The following XRN1 variants were observed in gnomAD, a reference collection of about 807,000 sequenced individuals.
XRN1 encodes the protein strand-exchange protein 1 homolog.
A neutral mutation model predicts 222.3 loss-of-function variants in XRN1; 67 were observed. The ratio of observed to expected loss-of-function variants is 0.30; its 90% CI spans 0.25 to 0.37. The LOEUF (loss-of-function observed/expected upper bound fraction) is 0.37. Among genes scored for constraint, XRN1 ranks in the 10% least tolerant of loss-of-function variants. The probability of loss-of-function intolerance (pLI) is 1.00; values close to 1 mark genes in which losing one functional copy is unlikely to be tolerated. For missense variants in XRN1, 1,707 were observed against 2,000.2 expected, an observed-to-expected ratio of 0.85 and a Z score of 2.80; for synonymous variants, 643 against 652.4, an observed-to-expected ratio of 0.99 and a Z score of 0.22.
chr3:142,420,321 T>G (rs1466611711), intron 10 of XRN1: 1 of 152,272 alleles, frequency 6.6e-6, no homozygotes, highest in East Asian at 1.9e-4. Context: ...AACCTCGCCC[T>G]GGGAAAACTA....
intron 1 of XRN1, among the ~76,000 whole-genome samples, chr3:142,443,441 A>G (rs1303424287): frequency 9.4e-6 from 1 of 106,180 alleles, no homozygotes; most frequent in Non-Finnish European, 2.4e-5. Context: ...CTCACACCTG[A>G]TCAATCAGAG....
At chr3:142,378,313 T>C (rs1326694097) in intron 23 of XRN1, among the ~76,000 whole-genome samples, 1 of 152,210 alleles carries the variant, frequency 6.6e-6, no homozygotes, top group Non-Finnish European at 1.5e-5. Context: ...AGTGGATACA[T>C]ACAGCTTTTG....
rs2068236785 is a variant in XRN1, at chr3:142,403,781, G to T, written c.2005-9C>A. On this transcript the variant is annotated splice_polypyrimidine_tract_variant and intron_variant, in intron 17 of 40. Transcript: ENST00000392981. ...CTTTTCTTCAAAAAAAACTTTAAAA[G>T]AATTCAAATAATTTAATTTTAATTC... 1.9e-6 allele frequency: 3 copies of T among 1,610,952 alleles called. No individual in the cohort carries two copies. Among genetic ancestry groups the T allele is most frequent in the East Asian group, 4.5e-5 (2 of 44,754 alleles).
intron 27 of XRN1, among the ~76,000 whole-genome samples, chr3:142,370,080 A>G (rs910379259): frequency 3.9e-5 from 6 of 151,914 alleles, no homozygotes; most frequent in African/African-American, 7.2e-5. Context: ...ATGTAGTTAG[A>G]ACAGGAAGAA....
chr3:142,311,450 T>C lies in XRN1; in HGVS notation c.*61A>G, dbSNP rs2065072437. On this transcript the variant is annotated 3_prime_UTR_variant, in exon 41 of 41. Coordinates refer to ENST00000392981, the MANE Select transcript of XRN1 (RefSeq NM_001282857.2). ...CATTCTAATTTTTATGAGACATAGA[T>C]ATGTATTTATAAAAAGGTAGATGGA... The C allele has an allele frequency of 2.2e-6, 3 of 1,385,984 alleles. No individual in the cohort carries two copies. The highest frequency in any genetic ancestry group is 2.3e-5 in the East Asian group (1 of 43,474). The allele number at this position is 1,385,984 out of a possible 1,614,324, so 85.9% of individuals were successfully genotyped here.
At chr3:142,349,856 A>AGT (rs2066256067) in intron 32 of XRN1, among the ~76,000 whole-genome samples, 1 of 152,222 alleles carries the variant, frequency 6.6e-6, no homozygotes, top group Non-Finnish European at 1.5e-5. Context: ...AATAGCACCA[A>AGT]GTAAGAGGGG....
chr3:142,337,865 G>A (rs922722460), intron 33 of XRN1, among the ~76,000 whole-genome samples: 2 of 152,164 alleles, frequency 1.3e-5, no homozygotes, highest in Non-Finnish European at 2.9e-5. Flanking sequence ...AAATCAACAA[G>A]AGAATGGGCA....
At chr3:142,420,651 G>A (rs1011692286) in intron 10 of XRN1, among the ~76,000 whole-genome samples, 3 of 151,770 alleles carry the variant, frequency 2.0e-5, no homozygotes, top group Admixed American at 2.0e-4. Context: ...GATTACAGGT[G>A]TGAGCCACTG....
At chr3:142,384,411 T>A in intron 21 of XRN1, 112 bp downstream of exon 21, 2 of 765,598 alleles carry the variant, frequency 2.6e-6, no homozygotes, top group East Asian at 6.1e-5. Context: ...TGATAATCTC[T>A]ATTATACATT....
At chr3:142,362,068 A>T (rs1018685066) in intron 29 of XRN1, among the ~76,000 whole-genome samples, 7 of 145,806 alleles carry the variant, frequency 4.8e-5, no homozygotes, top group African/African-American at 1.5e-4. Context: ...TCCTGTGTTC[A>T]AGAGATTCTC....
At chr3:142,377,781 C>CG (rs2067187732) in intron 23 of XRN1, among the ~76,000 whole-genome samples, 1 of 152,136 alleles carries the variant, frequency 6.6e-6, no homozygotes, top group African/African-American at 2.4e-5. Context: ...ACACTGTACA[C>CG]TATCATACAA....
chr3:142,397,420 A>G lies in XRN1; in HGVS notation c.2248T>C (p.Ser750Pro), dbSNP rs1380187525. The G allele has an allele frequency of 6.2e-7, 1 of 1,608,952 alleles. No homozygotes were observed. Among genetic ancestry groups the G allele is most frequent in the Admixed American group, 1.7e-5 (1 of 59,662 alleles). Reference sequence around the variant, plus strand: ...TTAGATGGTGGGGCAGTTCTTCCTGAATAAAGCTTCTGTGTTCCTGGAGGT... The same window carrying G: ...TTAGATGGTGGGGCAGTTCTTCCTGGATAAAGCTTCTGTGTTCCTGGAGGT... The part of the protein sequence containing the change: ...EEPPGTQKLY[S>P]GRTAPPSKVV... Residue 750 changes from serine to proline, a missense_variant, in exon 20 of 41, where the codon TCA (serine) becomes CCA (proline). Ser to Pro is a moderately conservative substitution (Grantham distance 74). Coordinates refer to ENST00000392981, the MANE Select transcript of XRN1 (RefSeq NM_001282857.2).
intron 33 of XRN1, among the ~76,000 whole-genome samples, chr3:142,338,662 A>G (rs1043144745): frequency 6.6e-6 from 1 of 152,094 alleles, no homozygotes; most frequent in Non-Finnish European, 1.5e-5. Flanking sequence ...AGGGTCCCCA[A>G]TTCCAGGGTG....
At position 142,413,845 on chromosome 3, in the gene XRN1, G is replaced by C. The variant is rs6776170; in HGVS notation, c.1593+290C>G. Among the ~76,000 whole-genome samples, 10 of 152,194 alleles carry C rather than the reference G, an allele frequency of 6.6e-5. No homozygotes were observed. The East Asian group carries it at 1.7e-3, about 26-fold the overall frequency. On this transcript the variant is annotated intron_variant, in intron 14 of 40. Transcript: ENST00000392981. The stretch of plus-strand genomic sequence containing the variant: ...AAAGTAGATAGCTTCAGATTTTGTC[G>C]GTTTTAGCCTACTTTCTTCAGTGTA...
At position 142,446,231 on chromosome 3, in the gene XRN1, G is replaced by A. The variant is rs112926683; in HGVS notation, c.75+1639C>T. Among the ~76,000 whole-genome samples the A allele has an allele frequency of 5.1e-3, 781 of 152,264 alleles. 9 individuals carry two copies. The highest frequency in any genetic ancestry group is 0.018 in the African/African-American group (759 of 41,540). On this transcript the variant is annotated intron_variant, in intron 1 of 40. Transcript: ENST00000392981. The stretch of plus-strand genomic sequence containing the variant: ...TCCCTATCCTTCCCGCCCAGGACTA[G>A]CTTTTGAATGCCTGTGACTTATTTA...
At position 142,425,184 on chromosome 3, in the gene XRN1, T is replaced by C. The variant is rs760664005; in HGVS notation, c.627+38A>G. 8 of 1,361,460 alleles carry C rather than the reference T, an allele frequency of 5.9e-6. No homozygotes were observed. The Middle Eastern group carries it at 9.5e-4, about 162-fold the overall frequency. 84.3% of individuals were successfully genotyped at this position (1,361,460 alleles called of 1,614,324 possible). A position where few individuals can be genotyped will look rare whatever the true frequency, so the allele number is the denominator to read the frequency against. Reference sequence around the variant, plus strand: ...ATGAAATCTCTTAGATATTTAACTATCAATGCATAAGTTTATAATAATAAA... The same window carrying C: ...ATGAAATCTCTTAGATATTTAACTACCAATGCATAAGTTTATAATAATAAA... On this transcript the variant is annotated intron_variant, in intron 5 of 40. Coordinates refer to ENST00000392981, the MANE Select transcript of XRN1 (RefSeq NM_001282857.2).
At position 142,370,422 on chromosome 3, in the gene XRN1, TGTAAA is replaced by T. The variant is rs1222944714; in HGVS notation, c.3204+58_3204+62del. 5.8e-5 allele frequency: 88 copies of T among 1,505,582 alleles called. 1 individual carries two copies. The highest frequency in any genetic ancestry group is 5.4e-4 in the Middle Eastern group (3 of 5,506). The allele number at this position is 1,505,582 out of a possible 1,614,324, so 93.3% of individuals were successfully genotyped here. ...TTGGTTGAAACACAAATGAATTATTTGTAAAGTATAGTCCATTTAATTCCAAATCT... is the reference window on the plus strand; with the variant it reads ...TTGGTTGAAACACAAATGAATTATTTGTATAGTCCATTTAATTCCAAATCT... On this transcript the variant is annotated intron_variant, in intron 27 of 40. Coordinates refer to ENST00000392981, the MANE Select transcript of XRN1 (RefSeq NM_001282857.2).
intron 40 of XRN1, 140 bp from the exon 41 acceptor site, chr3:142,311,953 G>T: frequency 1.1e-6 from 1 of 884,132 alleles, no homozygotes; most frequent in Non-Finnish European, 1.7e-6. Context: ...TGCCAAGTAA[G>T]ACTTTAGTAA....
chr3:142,414,200 G>A lies in XRN1; in HGVS notation c.1528C>T (p.Pro510Ser). 6.2e-7 allele frequency: 1 copy of A among 1,613,902 alleles called. No individual in the cohort carries two copies. Among genetic ancestry groups the A allele is most frequent in the Non-Finnish European group, 8.5e-7 (1 of 1,179,890 alleles). ...AGTACAGCAAGAAGCTGTTCAAATG[G>A]CTTAAAAGGTTTTCCTAGTTCAAAA... Reference protein sequence around the residue: ...IHFELGKPFKPFEQLLAVLPA... With the variant: ...IHFELGKPFKSFEQLLAVLPA... Residue 510 changes from proline (P) to serine (S), a missense_variant, in exon 14 of 41, where the codon CCA becomes TCA. Pro to Ser is a moderately conservative substitution (Grantham distance 74). Coordinates refer to ENST00000392981, the MANE Select transcript of XRN1 (RefSeq NM_001282857.2).
Sources: gnomAD v4.1 joint callset for allele counts (sites outside exome capture counted in the v4.1 genomes callset) on GRCh38, gnomAD v4.1.1 for gene constraint, MANE v1.5 for transcripts, NCBI Gene and HGNC (gene_info 2026-07-23, HGNC 2026-07-21) for gene names.